Variants in PDCD6IP observed in about 807,000 individuals in gnomAD.
The protein encoded by PDCD6IP is programmed cell death 6 interacting protein, also known as programmed cell death 6-interacting protein.
In PDCD6IP, 43 loss-of-function variants were observed where a neutral mutation model predicts 103.7. The ratio of observed to expected loss-of-function variants is 0.41; its 90% CI spans 0.32 to 0.53. PDCD6IP has a LOEUF of 0.53. Ranked by LOEUF, PDCD6IP falls within the 20% of genes least tolerant of loss-of-function variation. The pLI, the probability that PDCD6IP is intolerant of heterozygous loss-of-function variation, is 0.16. For missense variants in PDCD6IP, 871 were observed against 1,036.7 expected (o/e 0.84, Z 2.20); for synonymous variants, 354 against 378.7 (o/e 0.93, Z 0.76).
chr3:33,822,231 A>G (rs3762815), intron 4 of PDCD6IP, 149 bp downstream of exon 4: 231,485 of 818,664 alleles, frequency 0.28, 34,668 homozygotes, highest in Admixed American at 0.43. Context: ...TCTTACTGTT[A>G]AAGCCCTTAG....
chr3:33,856,195 G>A (rs1697825415), intron 15 of PDCD6IP, among the ~76,000 whole-genome samples: 1 of 152,208 alleles, frequency 6.6e-6, no homozygotes, highest in Non-Finnish European at 1.5e-5. Flanking sequence ...CTCCCCTGTG[G>A]AAAAATTGTC....
At chr3:33,800,474 ATGAG>A (rs1696451944) in intron 1 of PDCD6IP, among the ~76,000 whole-genome samples, 1 of 152,278 alleles carries the variant, frequency 6.6e-6, no homozygotes, top group East Asian at 1.9e-4. Context: ...TCAAAGCAAG[ATGAG>A]TCCGGACTGG....
chr3:33,804,243 A>C (rs1412539643), intron 1 of PDCD6IP, among the ~76,000 whole-genome samples: 2 of 152,228 alleles, frequency 1.3e-5, no homozygotes, highest in African/African-American at 2.4e-5. Context: ...TCCCGCCTGC[A>C]GCTTGAATCT....
At chr3:33,811,103 C>T (rs1330924810) in intron 1 of PDCD6IP, 26 of 433,944 alleles carry the variant, frequency 6.0e-5, no homozygotes, top group Non-Finnish European at 9.3e-6. Context: ...CTAGGCTGGT[C>T]TCGAACTCTG....
At chr3:33,857,882 A>G (rs1479765588) in intron 15 of PDCD6IP, among the ~76,000 whole-genome samples, 2 of 152,214 alleles carry the variant, frequency 1.3e-5, no homozygotes, top group African/African-American at 2.4e-5. Context: ...TCTGAAGTCA[A>G]GAACAGACAA....
At chr3:33,828,825 C>CT in intron 6 of PDCD6IP, 28 bp from the exon 7 acceptor site, 1 of 1,611,130 alleles carries the variant, frequency 6.2e-7, no homozygotes, top group Non-Finnish European at 8.5e-7. Context: ...TGGTTGGACT[C>CT]TCCCCTGGTC....
chr3:33,833,372 A>AT (rs1697281689), intron 7 of PDCD6IP, among the ~76,000 whole-genome samples: 4 of 152,056 alleles, frequency 2.6e-5, no homozygotes, highest in Admixed American at 2.6e-4. Flanking sequence ...TAAATCTTTA[A>AT]TTTGTAACAG....
chr3:33,815,615 C>T (rs941328398), intron 3 of PDCD6IP, among the ~76,000 whole-genome samples: 2 of 152,112 alleles, frequency 1.3e-5, no homozygotes, highest in Admixed American at 6.6e-5. Flanking sequence ...GTGCAAGTTA[C>T]AGAAGAGAGG....
intron 1 of PDCD6IP, chr3:33,811,127 C>T (rs1201695413): frequency 1.2e-5 from 5 of 426,398 alleles, no homozygotes; most frequent in Non-Finnish European, 1.9e-5. Context: ...TCAAGTGATC[C>T]ACCTGCCTCA....
At chr3:33,805,370 AT>A (rs1268493830) in intron 1 of PDCD6IP, among the ~76,000 whole-genome samples, 91 of 134,546 alleles carry the variant, frequency 6.8e-4, no homozygotes, top group African/African-American at 2.0e-3. Context: ...AAAAAAAAAA[AT>A]TTTTTTTTCC....
At chr3:33,801,765 T>C (rs1696481186) in intron 1 of PDCD6IP, among the ~76,000 whole-genome samples, 2 of 152,202 alleles carry the variant, frequency 1.3e-5, no homozygotes, top group Admixed American at 1.3e-4. Flanking sequence ...GTTTTTTATT[T>C]TTATTTTGTA....
In PDCD6IP at chr3:33,817,849, A is replaced by C. The variant is rs150788712; in HGVS notation, c.335-4106A>C. Among the ~76,000 whole-genome samples the C allele has an allele frequency of 7.2e-3, 1,099 of 152,204 alleles. 9 individuals carry two copies. Among genetic ancestry groups the C allele is most frequent in the Middle Eastern group, 0.027 (8 of 294 alleles). On this transcript the variant is annotated intron_variant, in intron 3 of 17. Coordinates refer to ENST00000307296, the MANE Select transcript of PDCD6IP (RefSeq NM_013374.6). ...TAGAAAGGCATCTTTGAAAAAAAGG[A>C]AAATTAAATATTGTTTTGAAAACCT...
At chr3:33,832,813 C>T (rs1012297178) in intron 7 of PDCD6IP, among the ~76,000 whole-genome samples, 5 of 151,980 alleles carry the variant, frequency 3.3e-5, no homozygotes, top group Admixed American at 2.0e-4. Context: ...ATTTTTCTGC[C>T]TGTCCTTGCT....
At chr3:33,834,698 A>G (rs554455501) in intron 7 of PDCD6IP, among the ~76,000 whole-genome samples, 1 of 152,234 alleles carries the variant, frequency 6.6e-6, no homozygotes, top group Non-Finnish European at 1.5e-5. Context: ...TTATATAAGT[A>G]GATTTTCTAG....
chr3:33,818,960 G>A (rs1696925735), intron 3 of PDCD6IP, among the ~76,000 whole-genome samples: 2 of 152,098 alleles, frequency 1.3e-5, no homozygotes, highest in Non-Finnish European at 2.9e-5. Flanking sequence ...AAGACTTAAT[G>A]GGATTTCATT....
At chr3:33,861,861 A>G (rs1021470681) in intron 15 of PDCD6IP, among the ~76,000 whole-genome samples, 12 of 152,222 alleles carry the variant, frequency 7.9e-5, no homozygotes, top group Non-Finnish European at 1.8e-4. Flanking sequence ...TCAGAAGTTT[A>G]AAGCGTTTAA....
intron 1 of PDCD6IP, among the ~76,000 whole-genome samples, chr3:33,809,294 A>G (rs1463325695): frequency 6.6e-6 from 1 of 152,192 alleles, no homozygotes; most frequent in Non-Finnish European, 1.5e-5. Flanking sequence ...CTCTTAGTAT[A>G]TATTTGTTGA....
At chr3:33,864,619 T>C (rs1346922575) in intron 16 of PDCD6IP, among the ~76,000 whole-genome samples, 2 of 152,098 alleles carry the variant, frequency 1.3e-5, no homozygotes, top group East Asian at 3.9e-4. Flanking sequence ...TAGGGGAAAA[T>C]TGAATTTGGA....
rs1403612505 is a variant in PDCD6IP, at chr3:33,836,078, G to A, written c.869G>A (p.Arg290His). 3.1e-6 allele frequency: 5 copies of A among 1,610,620 alleles called. No homozygotes were observed. Among genetic ancestry groups the A allele is most frequent in the Non-Finnish European group, 3.4e-6 (4 of 1,177,416 alleles). Residue 290 changes from arginine to histidine, a missense_variant, in exon 8 of 18, where the codon CGC becomes CAC. Arg to His is a conservative substitution (Grantham distance 29). This residue lies in a region of PDCD6IP where 242 missense variants were observed against 250.7 expected (regional missense o/e 0.97). Coordinates refer to ENST00000307296, the MANE Select transcript of PDCD6IP (RefSeq NM_013374.6). ...AAELIKTVASRYDEYVNVKDF... is the reference protein window; with the variant it reads ...AAELIKTVASHYDEYVNVKDF... ...GAACTGATTAAAACAGTGGCATCTCGCTATGATGAATATGTTAATGTGAAG... is the reference window on the plus strand; with the variant it reads ...GAACTGATTAAAACAGTGGCATCTCACTATGATGAATATGTTAATGTGAAG...
Sources: allele counts gnomAD v4.1 joint callset (sites outside exome capture counted in the v4.1 genomes callset), GRCh38; gene constraint gnomAD v4.1.1; regional missense constraint gnomAD v4.1.1; transcripts MANE v1.5; gene names NCBI Gene and HGNC (gene_info 2026-07-23, HGNC 2026-07-21).